PNPLA8: variants seen among roughly 807,000 people sequenced by gnomAD.
The protein encoded by PNPLA8 is patatin like domain 8, phospholipase A2.
Under a neutral mutation model 76.9 loss-of-function variants are expected in PNPLA8, and 39 were observed. That is an observed-to-expected ratio of 0.51 (90% CI 0.39 to 0.66). The LOEUF is 0.66. PNPLA8 is among the 30% of genes least tolerant of loss of function. PNPLA8 has a pLI of 0.00. For missense variants in PNPLA8, 887 were observed against 918.0 expected, an observed-to-expected ratio of 0.97 and a Z score of 0.44; for synonymous variants, 301 against 307.9, an observed-to-expected ratio of 0.98 and a Z score of 0.24.
At chr7:108,515,674 C>CA in intron 2 of PNPLA8, 100 bp from the exon 3 acceptor site, 2 of 545,232 alleles carry the variant, frequency 3.7e-6, no homozygotes, top group Non-Finnish European at 2.7e-6. Context: ...CAAGCTGTCT[C>CA]AAAAAAAGCA....
intron 8 of PNPLA8, among the ~76,000 whole-genome samples, chr7:108,488,826 CT>C (rs1166297218): frequency 1.3e-5 from 2 of 152,144 alleles, no homozygotes; most frequent in Non-Finnish European, 2.9e-5. Context: ...ATGAAATGTG[CT>C]GTTTTATTAA....
chr7:108,482,015 C>T (rs1432758751), intron 9 of PNPLA8, among the ~76,000 whole-genome samples: 2 of 152,000 alleles, frequency 1.3e-5, no homozygotes, highest in Admixed American at 6.6e-5. Context: ...GATCAAATGG[C>T]CATATATGTG....
rs186553357 is a variant in PNPLA8, at chr7:108,497,243, C to T, written c.1453+240G>A. 2.6e-3 allele frequency among the ~76,000 whole-genome samples: 402 copies of T among 152,248 alleles called. 2 individuals are homozygous for T. The highest frequency in any genetic ancestry group is 4.3e-3 in the Non-Finnish European group (295 of 68,004). ...CCAATGTAATTAAACATATTAGGTACTCTTGGATGTCCTTTTAAACAGCTG... is the reference window on the plus strand; with the variant it reads ...CCAATGTAATTAAACATATTAGGTATTCTTGGATGTCCTTTTAAACAGCTG... On this transcript the variant is annotated intron_variant, in intron 6 of 10. Coordinates refer to ENST00000257694, the MANE Select transcript of PNPLA8 (RefSeq NM_001256007.3).
intron 9 of PNPLA8, among the ~76,000 whole-genome samples, chr7:108,483,062 A>T (rs909405453): frequency 2.0e-5 from 3 of 152,242 alleles, no homozygotes; most frequent in Non-Finnish European, 4.4e-5. Context: ...ACCACAGATT[A>T]TGATAACTCT....
At chr7:108,526,500 T>C (rs1009516942), upstream of PNPLA8, among the ~76,000 whole-genome samples, 1 of 152,206 alleles carries the variant, frequency 6.6e-6, no homozygotes, top group Admixed American at 6.5e-5. Flanking sequence ...TTTGCTTGTT[T>C]GCGGGCCGCT....
At chr7:108,480,911 C>A (rs1229367905) in intron 9 of PNPLA8, among the ~76,000 whole-genome samples, 2 of 152,146 alleles carry the variant, frequency 1.3e-5, no homozygotes, top group Non-Finnish European at 2.9e-5. Flanking sequence ...CCACCCATAA[C>A]CCTTGACAAC....
At position 108,479,122 on chromosome 7, in the gene PNPLA8, C is replaced by T. The variant is rs1860204468; in HGVS notation, c.2074+62G>A. ...CCTTTGCAGTTAGGACCAACAAATGCCACCAAAAAACTGCTAGAATGCTAG... is the reference window on the plus strand; with the variant it reads ...CCTTTGCAGTTAGGACCAACAAATGTCACCAAAAAACTGCTAGAATGCTAG... On this transcript the variant is annotated intron_variant, in intron 10 of 10. Coordinates refer to ENST00000257694, the MANE Select transcript of PNPLA8 (RefSeq NM_001256007.3). The T allele has an allele frequency of 6.8e-6, 8 of 1,181,626 alleles. 1 individual carries two copies. The highest frequency in any genetic ancestry group is 1.5e-5 in the African/African-American group (1 of 65,930). The allele number at this position is 1,181,626 out of a possible 1,614,324, so 73.2% of individuals were successfully genotyped here. A position where few individuals can be genotyped will look rare whatever the true frequency, so the allele number is the denominator to read the frequency against.
intron 4 of PNPLA8, chr7:108,510,521 A>T: frequency 7.3e-7 from 1 of 1,362,002 alleles, no homozygotes; most frequent in African/African-American, 1.4e-5. Context: ...AATCAGAGGT[A>T]TCAGTGGCGT....
At chr7:108,477,071 A>G (rs187856232) in intron 10 of PNPLA8, among the ~76,000 whole-genome samples, 324 of 152,348 alleles carry the variant, frequency 2.1e-3, no homozygotes, top group Non-Finnish European at 2.7e-3. Flanking sequence ...CATGGTAACT[A>G]TAGTTAATAA....
upstream of PNPLA8, among the ~76,000 whole-genome samples, chr7:108,527,521 T>G (rs1040163587): frequency 2.6e-5 from 4 of 152,184 alleles, no homozygotes; most frequent in African/African-American, 9.7e-5. Context: ...TGTTAAAATG[T>G]CAAGGAAGAC....
At chr7:108,498,689 C>G (rs1861735106) in intron 5 of PNPLA8, among the ~76,000 whole-genome samples, 1 of 152,120 alleles carries the variant, frequency 6.6e-6, no homozygotes, top group Non-Finnish European at 1.5e-5. Context: ...TTGCTCATTT[C>G]TGAATCCTTG....
At chr7:108,478,104 A>T (rs9640707) in intron 10 of PNPLA8, among the ~76,000 whole-genome samples, 2 of 152,010 alleles carry the variant, frequency 1.3e-5, no homozygotes, top group South Asian at 4.1e-4. Flanking sequence ...AAAGAAGCAG[A>T]CTGAGAAATT....
intron 4 of PNPLA8, among the ~76,000 whole-genome samples, chr7:108,509,471 A>T (rs1345888215): frequency 6.7e-5 from 10 of 149,394 alleles, no homozygotes; most frequent in African/African-American, 2.5e-4. Flanking sequence ...TCAAAACCAC[A>T]ATGAGATACC....
intron 8 of PNPLA8, among the ~76,000 whole-genome samples, chr7:108,488,465 TC>T (rs1392566945): frequency 2.0e-5 from 3 of 152,016 alleles, no homozygotes; most frequent in Non-Finnish European, 4.4e-5. Flanking sequence ...TTCCAGCTAC[TC>T]GGGAGGCTGA....
intron 4 of PNPLA8, among the ~76,000 whole-genome samples, chr7:108,507,451 C>T (rs1271993406): frequency 3.3e-5 from 5 of 150,556 alleles, no homozygotes; most frequent in East Asian, 1.9e-4. Flanking sequence ...CCCAAGAATT[C>T]GGGATCAACC....
rs1348482179 is a variant in PNPLA8 at position 108,479,366 on chromosome 7, A to C, written c.1892T>G (p.Leu631Arg). The change falls in exon 10 of 11, where the codon CTT becomes CGT. Residue 631 changes from leucine to arginine, a missense_variant. By Grantham distance (102) the Leu-to-Arg change is moderately radical (BLOSUM62 -2). Transcript: ENST00000257694. Reference sequence around the variant, plus strand: ...AGCTAATGCCGAAGGGTTATTCAGAAGCAAACCTCCATCCTGCAAAATACA... The same window carrying C: ...AGCTAATGCCGAAGGGTTATTCAGACGCAAACCTCCATCCTGCAAAATACA... Reference protein sequence around the residue: ...GNDLHQDGGLLLNNPSALAMH... With the variant: ...GNDLHQDGGLRLNNPSALAMH... The C allele has an allele frequency of 5.6e-6, 9 of 1,609,806 alleles. No individual in the cohort carries two copies. The highest frequency in any genetic ancestry group is 7.6e-6 in the Non-Finnish European group (9 of 1,177,740).
intron 9 of PNPLA8, among the ~76,000 whole-genome samples, chr7:108,484,570 C>A (rs1201151005): frequency 1.3e-5 from 2 of 152,024 alleles, no homozygotes; most frequent in African/African-American, 2.4e-5. Flanking sequence ...CACTCTGTAA[C>A]CATTAAGGAA....
At chr7:108,523,404 G>A (rs1165297161) in intron 1 of PNPLA8, among the ~76,000 whole-genome samples, 2 of 150,528 alleles carry the variant, frequency 1.3e-5, no homozygotes, top group Admixed American at 1.3e-4. Flanking sequence ...TTCTCTATTA[G>A]CTAAAGCCGG....
chr7:108,515,202 A>C lies in PNPLA8; in HGVS notation c.290T>G (p.Val97Gly). The C allele has an allele frequency of 1.2e-6, 2 of 1,604,672 alleles. No homozygotes were observed. The highest frequency in any genetic ancestry group is 1.1e-5 in the South Asian group (1 of 90,600). The change falls in exon 3 of 11, where the codon GTG (valine) becomes GGG (glycine). Residue 97 changes from valine (V) to glycine (G), a missense_variant. Val to Gly is a moderately radical substitution (Grantham distance 109, BLOSUM62 -3). Coordinates refer to ENST00000257694, the MANE Select transcript of PNPLA8 (RefSeq NM_001256007.3). The stretch of plus-strand genomic sequence containing the variant: ...TTTAATACGGGACATACAAATGTTC[A>C]CTTTTGTAAGTCCCTTGGGAGCAGA... Reference protein sequence around the residue: ...STSAPKGLTKVNICMSRIKST... With the variant: ...STSAPKGLTKGNICMSRIKST...
Sources: gnomAD v4.1 joint callset for allele counts (sites outside exome capture counted in the v4.1 genomes callset) on GRCh38, gnomAD v4.1.1 for gene constraint, MANE v1.5 for transcripts, NCBI Gene and HGNC (gene_info 2026-07-23, HGNC 2026-07-21) for gene names.